Variants in BMP2K observed in about 807,000 individuals in gnomAD.
BMP2K encodes the protein BMP-2-inducible protein kinase.
In BMP2K, 74 loss-of-function variants were observed where a neutral mutation model predicts 116.0. That is an observed-to-expected ratio of 0.64 (90% CI 0.53 to 0.77). The LOEUF (loss-of-function observed/expected upper bound fraction) is 0.77, where lower values mean the gene tolerates loss of function less well. Ranked by LOEUF, BMP2K falls within the 30% of genes least tolerant of loss-of-function variation. The probability of loss-of-function intolerance (pLI) is 0.00; values close to 1 mark genes in which losing one functional copy is unlikely to be tolerated. For synonymous variants in BMP2K, 486 were observed against 502.5 expected (o/e 0.97, Z 0.44); for missense variants, 1,365 against 1,403.6 (o/e 0.97, Z 0.44).
intron 15 of BMP2K, among the ~76,000 whole-genome samples, chr4:78,907,186 T>C (rs551627474): frequency 6.6e-6 from 1 of 152,294 alleles, no homozygotes; most frequent in African/African-American, 2.4e-5. Context: ...CCTGAAAAGA[T>C]GCATTAAAAA....
intron 1 of BMP2K, among the ~76,000 whole-genome samples, chr4:78,788,370 C>G (rs1727835353): frequency 6.7e-6 from 1 of 148,632 alleles, no homozygotes; most frequent in African/African-American, 2.5e-5. Context: ...TAATGTGGAT[C>G]TAAGGATTTT....
rs574642601 is a variant in BMP2K, at chr4:78,849,585, C to T, written c.751-1339C>T. On this transcript the variant is annotated intron_variant, in intron 6 of 15. Coordinates refer to ENST00000502613, the MANE Select transcript of BMP2K (RefSeq NM_198892.2). ...GATGTAGTCTAATGTGGACATTATACCATTAATAGCATTTTTTTTTAAGTG... is the reference window on the plus strand; with the variant it reads ...GATGTAGTCTAATGTGGACATTATATCATTAATAGCATTTTTTTTTAAGTG... 1.2e-4 allele frequency among the ~76,000 whole-genome samples: 18 copies of T among 151,476 alleles called. No homozygotes were observed. In the South Asian group the frequency reaches 2.9e-3, roughly 24 times the overall value.
intron 7 of BMP2K, among the ~76,000 whole-genome samples, chr4:78,852,478 A>G (rs1403006462): frequency 6.6e-6 from 1 of 152,198 alleles, no homozygotes; most frequent in Non-Finnish European, 1.5e-5. Flanking sequence ...AGAGGGCTTT[A>G]TGGACTTTTA....
intron 3 of BMP2K, among the ~76,000 whole-genome samples, chr4:78,840,545 G>A (rs893568892): frequency 3.9e-5 from 6 of 151,978 alleles, no homozygotes; most frequent in African/African-American, 7.2e-5. Flanking sequence ...TGCAACCGAC[G>A]TTTAAAGGTG....
At chr4:78,890,811 G>A (rs928778110) in intron 15 of BMP2K, among the ~76,000 whole-genome samples, 2 of 152,122 alleles carry the variant, frequency 1.3e-5, no homozygotes, top group African/African-American at 4.8e-5. Flanking sequence ...GGAAATTCCT[G>A]GAGCTCTTCT....
At position 78,912,708 on chromosome 4, in the gene BMP2K, C is replaced by G. The variant is rs1245880744; in HGVS notation, c.*675C>G. ...CTCAATTTAACTATTCCACAACTTACATATTCCAAAACAATGTTATACATG... is the reference window on the plus strand; with the variant it reads ...CTCAATTTAACTATTCCACAACTTAGATATTCCAAAACAATGTTATACATG... On this transcript the variant is annotated 3_prime_UTR_variant, in exon 16 of 16. Transcript: ENST00000502613. The G allele has an allele frequency of 6.6e-6, 1 of 152,128 alleles. No individual in the cohort carries two copies. Among genetic ancestry groups the G allele is most frequent in the African/African-American group, 2.4e-5 (1 of 41,434 alleles). 9.4% of individuals were successfully genotyped at this position (152,128 alleles called of 1,614,324 possible).
At chr4:78,881,716 G>T (rs1387990932) in intron 14 of BMP2K, among the ~76,000 whole-genome samples, 4 of 151,866 alleles carry the variant, frequency 2.6e-5, no homozygotes, top group Non-Finnish European at 5.9e-5. Context: ...AAGACTAATT[G>T]TTCAATGAAA....
intron 5 of BMP2K, 130 bp downstream of exon 5, chr4:78,845,179 A>G (rs1179278647): frequency 1.2e-6 from 1 of 824,900 alleles, no homozygotes; most frequent in South Asian, 1.8e-5. Flanking sequence ...TGTGCCATAG[A>G]TGTTGATTAA....
rs1317555311 is a variant in BMP2K at position 78,913,716 on chromosome 4, A to G, written c.*1683A>G. On this transcript the variant is annotated 3_prime_UTR_variant, in exon 16 of 16. Coordinates refer to ENST00000502613, the MANE Select transcript of BMP2K (RefSeq NM_198892.2). Reference sequence around the variant, plus strand: ...AAAGAAGCAAAGTATATGTAACTAAACCACATATTTGTCTTTTTATTGCTT... The same window carrying G: ...AAAGAAGCAAAGTATATGTAACTAAGCCACATATTTGTCTTTTTATTGCTT... 1 of 152,136 alleles carries G rather than the reference A, an allele frequency of 6.6e-6. No individual in the cohort carries two copies. Among genetic ancestry groups the G allele is most frequent in the Non-Finnish European group, 1.5e-5 (1 of 67,988 alleles). 9.4% of individuals were successfully genotyped at this position (152,136 alleles called of 1,614,324 possible). A position where few individuals can be genotyped will look rare whatever the true frequency, so the allele number is the denominator to read the frequency against.
At chr4:78,864,206 A>G (rs1731932880) in intron 9 of BMP2K, among the ~76,000 whole-genome samples, 1 of 152,130 alleles carries the variant, frequency 6.6e-6, no homozygotes, top group Non-Finnish European at 1.5e-5. Flanking sequence ...AGGCAACATC[A>G]GGTCTGGCCT....
At chr4:78,804,491 A>C (rs1728726499) in intron 1 of BMP2K, among the ~76,000 whole-genome samples, 1 of 152,122 alleles carries the variant, frequency 6.6e-6, no homozygotes, top group Non-Finnish European at 1.5e-5. Context: ...CTTTATGTTT[A>C]ACTTTTTGAG....
chr4:78,904,358 A>T (rs1218193886), intron 15 of BMP2K, among the ~76,000 whole-genome samples: 4 of 151,910 alleles, frequency 2.6e-5, no homozygotes, highest in Non-Finnish European at 5.9e-5. Flanking sequence ...GTGCTTCAGG[A>T]TATTAGTTCC....
At chr4:78,908,994 C>G (rs1049765839) in intron 15 of BMP2K, among the ~76,000 whole-genome samples, 4 of 134,480 alleles carry the variant, frequency 3.0e-5, no homozygotes, top group Non-Finnish European at 5.9e-5. Context: ...CCACCAAAAT[C>G]TCTAACTTGC....
At chr4:78,887,399 A>G in intron 15 of BMP2K, 115 bp downstream of exon 15, 1 of 769,738 alleles carries the variant, frequency 1.3e-6, no homozygotes, top group Non-Finnish European at 2.2e-6. Context: ...AAAGTAGAAA[A>G]TATTTTAACC....
At chr4:78,903,555 A>G (rs555003470) in intron 15 of BMP2K, among the ~76,000 whole-genome samples, 1 of 151,866 alleles carries the variant, frequency 6.6e-6, no homozygotes, top group Non-Finnish European at 1.5e-5. Flanking sequence ...GGTAAGTTCT[A>G]TTATTGTCTC....
chr4:78,903,498 T>A (rs888398012), intron 15 of BMP2K, among the ~76,000 whole-genome samples: 4 of 151,960 alleles, frequency 2.6e-5, no homozygotes, highest in Non-Finnish European at 4.4e-5. Context: ...CAATATTTAG[T>A]GAACATTCAC....
intron 14 of BMP2K, among the ~76,000 whole-genome samples, chr4:78,883,167 T>G (rs1732940090): frequency 4.6e-5 from 7 of 152,132 alleles, no homozygotes; most frequent in Admixed American, 4.6e-4. Context: ...AATTCTTTTG[T>G]GAAGGCAGGA....
intron 1 of BMP2K, among the ~76,000 whole-genome samples, chr4:78,803,670 T>A (rs891984792): frequency 2.0e-5 from 3 of 152,212 alleles, no homozygotes; most frequent in Non-Finnish European, 2.9e-5. Flanking sequence ...TGAGCCACCA[T>A]GCCTGGCTGT....
intron 1 of BMP2K, among the ~76,000 whole-genome samples, chr4:78,786,405 ATG>A (rs34288286): frequency 0.38 from 50,906 of 134,024 alleles, 9,995 homozygotes; most frequent in Middle Eastern, 0.48. Context: ...AAGCCACCCA[ATG>A]TGTGTGTGTG....
Sources: gnomAD v4.1 joint callset for allele counts (sites outside exome capture counted in the v4.1 genomes callset) on GRCh38, gnomAD v4.1.1 for gene constraint, MANE v1.5 for transcripts, NCBI Gene and HGNC (gene_info 2026-07-23, HGNC 2026-07-21) for gene names.